The following RORA variants were observed in gnomAD, a reference collection of about 807,000 sequenced individuals.
RORA encodes the protein nuclear receptor ROR-alpha.
RORA carries 7 observed loss-of-function variants against 69.5 expected under a neutral mutation model. That is an observed-to-expected ratio of 0.10 (90% CI 0.06 to 0.19). The LOEUF (loss-of-function observed/expected upper bound fraction) is 0.19, where lower values mean the gene tolerates loss of function less well. Among genes scored for constraint, RORA ranks in the 10% least tolerant of loss-of-function variants. RORA has a pLI of 1.00. For synonymous variants in RORA, 261 were observed against 240.8 expected, an observed-to-expected ratio of 1.08 and a Z score of -0.78; for missense variants, 457 against 663.0, an observed-to-expected ratio of 0.69 and a Z score of 3.41.
chr15:60,915,943 G>C (rs1477094358), intron 1 of RORA, among the ~76,000 whole-genome samples: 1 of 151,632 alleles, frequency 6.6e-6, no homozygotes, highest in Non-Finnish European at 1.5e-5. Flanking sequence ...CATAATAAGG[G>C]CTCCTACAGG....
At chr15:60,799,316 G>A (rs1439942186) in intron 1 of RORA, among the ~76,000 whole-genome samples, 1 of 152,200 alleles carries the variant, frequency 6.6e-6, no homozygotes, top group Non-Finnish European at 1.5e-5. Flanking sequence ...AAAGGTGACA[G>A]ACTGATGAGG....
At chr15:61,200,946 AG>A (rs1469346381) in intron 1 of RORA, among the ~76,000 whole-genome samples, 1 of 152,240 alleles carries the variant, frequency 6.6e-6, no homozygotes, top group African/African-American at 2.4e-5. Context: ...GTGTGTTTTG[AG>A]ACCAGAAAGC....
chr15:60,617,977 T>C (rs947894332), intron 2 of RORA, among the ~76,000 whole-genome samples: 2 of 152,228 alleles, frequency 1.3e-5, no homozygotes. Flanking sequence ...AGCCAAACTC[T>C]GGTTCTTAAA....
chr15:60,842,158 C>T (rs1384025269), intron 1 of RORA, among the ~76,000 whole-genome samples: 1 of 152,102 alleles, frequency 6.6e-6, no homozygotes, highest in Non-Finnish European at 1.5e-5. Flanking sequence ...CCTTCTCTAC[C>T]ACCCCAGGGC....
chr15:60,973,847 C>A (rs983492928), intron 1 of RORA, among the ~76,000 whole-genome samples: 2 of 152,212 alleles, frequency 1.3e-5, no homozygotes, highest in Non-Finnish European at 1.5e-5. Context: ...CCTCTGGACT[C>A]GCCAATTAGG....
chr15:61,064,640 C>T (rs1484110524), intron 1 of RORA, among the ~76,000 whole-genome samples: 1 of 152,092 alleles, frequency 6.6e-6, no homozygotes, highest in African/African-American at 2.4e-5. Context: ...TGGTCCACAA[C>T]ATGAAAAAAA....
At chr15:60,919,966 T>C (rs987735827) in intron 1 of RORA, among the ~76,000 whole-genome samples, 6 of 152,138 alleles carry the variant, frequency 3.9e-5, no homozygotes, top group Non-Finnish European at 7.4e-5. Flanking sequence ...TTATAGAACG[T>C]ACAGAAGAGC....
chr15:60,544,482 G>C (rs952452905), intron 2 of RORA, among the ~76,000 whole-genome samples: 1 of 151,712 alleles, frequency 6.6e-6, no homozygotes, highest in Non-Finnish European at 1.5e-5. Flanking sequence ...GCTTTTTTTT[G>C]TTGTTGTTGT....
chr15:61,001,647 A>G (rs549346754), intron 1 of RORA, among the ~76,000 whole-genome samples: 4 of 152,250 alleles, frequency 2.6e-5, no homozygotes, highest in Non-Finnish European at 5.9e-5. Flanking sequence ...CACTAGGGAT[A>G]CAGTAGGGGA....
At chr15:60,574,163 C>T (rs960867120) in intron 2 of RORA, among the ~76,000 whole-genome samples, 5 of 151,702 alleles carry the variant, frequency 3.3e-5, no homozygotes, top group African/African-American at 1.2e-4. Context: ...GCAGACTCAG[C>T]CCCCAATTGG....
At chr15:61,122,698 A>AT (rs1483118092) in intron 1 of RORA, among the ~76,000 whole-genome samples, 2 of 152,018 alleles carry the variant, frequency 1.3e-5, no homozygotes, top group African/African-American at 4.8e-5. Context: ...TCTTTTTAAG[A>AT]CAGGTGTCTG....
At chr15:60,545,736 G>C (rs1259387417) in intron 2 of RORA, among the ~76,000 whole-genome samples, 1 of 152,182 alleles carries the variant, frequency 6.6e-6, no homozygotes, top group South Asian at 2.1e-4. Context: ...CCTCATTCTT[G>C]ACTTTTAGAC....
chr15:61,083,692 C>T (rs534302890), intron 1 of RORA, among the ~76,000 whole-genome samples: 25 of 152,086 alleles, frequency 1.6e-4, no homozygotes, highest in Admixed American at 2.6e-4. Context: ...CCCCTCAGCT[C>T]ACACTTCCAC....
chr15:60,585,776 G>A (rs886125722), intron 2 of RORA, among the ~76,000 whole-genome samples: 36 of 152,184 alleles, frequency 2.4e-4, no homozygotes, highest in African/African-American at 8.4e-4. Context: ...TTCCTGCCAA[G>A]CAAACTTTTA....
At chr15:60,687,456 A>T (rs1348713637) in intron 1 of RORA, among the ~76,000 whole-genome samples, 3 of 152,180 alleles carry the variant, frequency 2.0e-5, no homozygotes, top group East Asian at 3.8e-4. Flanking sequence ...TGGATTGGTG[A>T]TTGCTGGATA....
intron 1 of RORA, among the ~76,000 whole-genome samples, chr15:61,223,882 T>C (rs2080121532): frequency 6.6e-6 from 1 of 152,138 alleles, no homozygotes; most frequent in Non-Finnish European, 1.5e-5. Flanking sequence ...ACACTGATTC[T>C]CAGGTTTTTT....
rs76839969 is a variant in RORA at position 60,876,312 on chromosome 15, G to T, written c.167-197626C>A. Among the ~76,000 whole-genome samples, 9 of 4,294 alleles carry T rather than the reference G, an allele frequency of 2.1e-3. No individual in the cohort carries two copies. The South Asian group carries it at 0.035, about 17-fold the overall frequency. 2.8% of individuals were successfully genotyped at this position (4,294 alleles called of 152,430 possible). A position where few individuals can be genotyped will look rare whatever the true frequency, so the allele number is the denominator to read the frequency against. On this transcript the variant is annotated intron_variant, in intron 1 of 10. Coordinates refer to ENST00000335670, the MANE Select transcript of RORA (RefSeq NM_134261.3). ...TCATTTGTGGGCTCTTACAGGAAGT[G>T]GGGGGGGGGGGGGGCGGCTAGGAGA...
intron 1 of RORA, among the ~76,000 whole-genome samples, chr15:60,962,492 G>A (rs977606877): frequency 1.3e-5 from 2 of 152,206 alleles, no homozygotes; most frequent in African/African-American, 4.8e-5. Context: ...CAAAAGGAAT[G>A]CACAGACCAA....
At chr15:61,180,596 C>A (rs1167099123) in intron 1 of RORA, among the ~76,000 whole-genome samples, 1 of 152,198 alleles carries the variant, frequency 6.6e-6, no homozygotes, top group East Asian at 1.9e-4. Flanking sequence ...TCCCTGAATT[C>A]TTCTTTTAAA....
Sources: allele counts gnomAD v4.1 joint callset (sites outside exome capture counted in the v4.1 genomes callset), GRCh38; gene constraint gnomAD v4.1.1; transcripts MANE v1.5; gene names NCBI Gene and HGNC (gene_info 2026-07-23, HGNC 2026-07-21).